The following TGFBI variants were observed in gnomAD, a reference collection of about 807,000 sequenced individuals.
TGFBI encodes transforming growth factor beta induced.
TGFBI carries 50 observed loss-of-function variants against 73.7 expected under a neutral mutation model. The observed-to-expected ratio is 0.68, with a 90% confidence interval of 0.54 to 0.86. The LOEUF (loss-of-function observed/expected upper bound fraction) is 0.86, where lower values mean the gene tolerates loss of function less well. Ranked by LOEUF, TGFBI falls within the 40% of genes least tolerant of loss-of-function variation. The probability of loss-of-function intolerance (pLI) is 0.00; values close to 1 mark genes in which losing one functional copy is unlikely to be tolerated. For synonymous variants in TGFBI, 362 were observed against 360.5 expected (o/e 1.00, Z -0.05); for missense variants, 839 against 877.0 (o/e 0.96, Z 0.55).
intron 1 of TGFBI, among the ~76,000 whole-genome samples, chr5:136,031,004 CTTGA>C (rs1020003492): frequency 6.6e-6 from 1 of 152,190 alleles, no homozygotes; most frequent in African/African-American, 2.4e-5. Context: ...TGCAGATGCT[CTTGA>C]TTATGAGTTC....
intron 12 of TGFBI, 163 bp from the exon 13 acceptor site, chr5:136,058,927 A>C: frequency 7.7e-6 from 6 of 780,934 alleles, no homozygotes; most frequent in South Asian, 2.0e-5. Context: ...ATTGTGGGTC[A>C]CAACGTTGAG....
intron 1 of TGFBI, 21 bp downstream of exon 1, chr5:136,029,210 A>G: frequency 6.9e-7 from 1 of 1,459,422 alleles, no homozygotes; most frequent in Non-Finnish European, 9.0e-7. Context: ...CCGCCTGGCC[A>G]GGGGCTGCGG....
intron 2 of TGFBI, among the ~76,000 whole-genome samples, chr5:136,037,330 C>T (rs1056958993): frequency 6.6e-6 from 1 of 152,156 alleles, no homozygotes; most frequent in African/African-American, 2.4e-5. Context: ...CTGTGGGGAG[C>T]AGACAGTCAG....
At chr5:136,034,217 C>A (rs1751177268) in intron 2 of TGFBI, among the ~76,000 whole-genome samples, 1 of 152,024 alleles carries the variant, frequency 6.6e-6, no homozygotes, top group South Asian at 2.1e-4. Context: ...AAAGAAAGCC[C>A]ATTGGTGAAT....
Position 136,051,071 on chromosome 5 carries a change from A to G in TGFBI, c.913+1491A>G, listed in dbSNP as rs376747693. Among the ~76,000 whole-genome samples the G allele has an allele frequency of 7.4e-4, 113 of 152,320 alleles. No individual in the cohort carries two copies. The Middle Eastern group carries it at 0.01, about 14-fold the overall frequency. ...GACACACATAGCCTTAAGGGGCCCA[A>G]AGGCTTTTAGAACTGTATTCCCTAT... On this transcript the variant is annotated intron_variant, in intron 7 of 16. Coordinates refer to ENST00000442011, the MANE Select transcript of TGFBI (RefSeq NM_000358.3).
intron 5 of TGFBI, 121 bp downstream of exon 5, chr5:136,047,136 C>A: frequency 6.6e-7 from 1 of 1,517,944 alleles, no homozygotes; most frequent in Non-Finnish European, 8.9e-7. Flanking sequence ...GTGCCTGCTT[C>A]TCCTTGGGCC....
At position 136,063,664 on chromosome 5, in the gene TGFBI, TGAAA is replaced by T; in HGVS notation, c.*439_*442del. The T allele has an allele frequency of 6.9e-5, 12 of 174,760 alleles. No homozygotes were observed. The highest frequency in any genetic ancestry group is 3.0e-4 in the South Asian group (2 of 6,592). The allele number at this position is 174,760 out of a possible 1,614,324, so 10.8% of individuals were successfully genotyped here. ...AATGGCATCATTATAAGCTATGAGTTGAAATGTTCTGTCAAATGTGTCTCACATC... is the reference window on the plus strand; with the variant it reads ...AATGGCATCATTATAAGCTATGAGTTTGTTCTGTCAAATGTGTCTCACATC... On this transcript the variant is annotated 3_prime_UTR_variant, in exon 17 of 17. Transcript: ENST00000442011.
rs775351913 is a variant in TGFBI at position 136,046,831 on chromosome 5, C to T, written c.460-20C>T. 5.6e-6 allele frequency: 9 copies of T among 1,608,002 alleles called. No individual in the cohort carries two copies. The highest frequency in any genetic ancestry group is 5.1e-6 in the Non-Finnish European group (6 of 1,176,512). On this transcript the variant is annotated intron_variant, in intron 4 of 16. Transcript: ENST00000442011. The stretch of plus-strand genomic sequence containing the variant: ...CACAGAGTCTGCAGCCCCTAACTGA[C>T]ACCCTGTCCTTCCTCCTAGGAAGTG...
At chr5:136,041,431 G>A (rs1751337614) in intron 2 of TGFBI, among the ~76,000 whole-genome samples, 1 of 152,242 alleles carries the variant, frequency 6.6e-6, no homozygotes. Flanking sequence ...AACAGTGAGT[G>A]CTGACAAGGG....
intron 4 of TGFBI, 70 bp downstream of exon 4, chr5:136,046,565 G>T: frequency 1.3e-6 from 2 of 1,485,104 alleles, no homozygotes; most frequent in South Asian, 1.3e-5. Context: ...GGGTGGGCAT[G>T]ATGAATGGGA....
intron 2 of TGFBI, among the ~76,000 whole-genome samples, chr5:136,042,162 C>T (rs754784064): frequency 5.3e-5 from 8 of 152,192 alleles, no homozygotes; most frequent in Admixed American, 1.3e-4. Context: ...GCCTAGAATC[C>T]CATGCATATC....
rs143831210 is a variant in TGFBI at position 136,061,547 on chromosome 5, G to C, written c.1954G>C (p.Glu652Gln). Residue 652 changes from glutamate to glutamine, a missense_variant, in exon 15 of 17, where the codon GAG (glutamate) becomes CAG (glutamine). Coordinates refer to ENST00000442011, the MANE Select transcript of TGFBI (RefSeq NM_000358.3). ...RGDELADSALEIFKQASAFSR... is the reference protein window; with the variant it reads ...RGDELADSALQIFKQASAFSR... Reference sequence around the variant, plus strand: ...GGATGAACTTGCAGACTCTGCGCTTGAGATCTTCAAACAAGCATCAGCGTT... The same window carrying C: ...GGATGAACTTGCAGACTCTGCGCTTCAGATCTTCAAACAAGCATCAGCGTT... The C allele has an allele frequency of 2.0e-4, 321 of 1,613,058 alleles. No individual in the cohort carries two copies. In the African/African-American group the frequency reaches 3.5e-3, roughly 18 times the overall value.
chr5:136,044,838 A>G (rs1419354123), intron 3 of TGFBI: 1 of 152,254 alleles, frequency 6.6e-6, no homozygotes, highest in Non-Finnish European at 1.5e-5. Flanking sequence ...AGGATGCCAT[A>G]TCCTCAGATG....
At chr5:136,050,769 CCTT>C (rs1751519685) in intron 7 of TGFBI, among the ~76,000 whole-genome samples, 1 of 152,212 alleles carries the variant, frequency 6.6e-6, no homozygotes, top group African/African-American at 2.4e-5. Flanking sequence ...AAAGTGTTCT[CCTT>C]CTATCTGTGC....
chr5:136,061,175 C>T (rs898809376), intron 14 of TGFBI: 18 of 580,054 alleles, frequency 3.1e-5, no homozygotes, highest in Admixed American at 9.2e-5. Flanking sequence ...TAGCTCCCCT[C>T]GGACACAGCC....
chr5:136,051,146 C>T (rs1487387621), intron 7 of TGFBI, among the ~76,000 whole-genome samples: 5 of 152,142 alleles, frequency 3.3e-5, no homozygotes, highest in African/African-American at 1.2e-4. Flanking sequence ...GACCTCAGAA[C>T]TCCTTACTAT....
chr5:136,044,786 A>T (rs1350052825), intron 3 of TGFBI: 1 of 152,200 alleles, frequency 6.6e-6, no homozygotes, highest in Non-Finnish European at 1.5e-5. Flanking sequence ...AAATAGAGTC[A>T]TCTTTTGGTA....
At chr5:136,038,531 A>G (rs1204695507) in intron 2 of TGFBI, among the ~76,000 whole-genome samples, 2 of 151,962 alleles carry the variant, frequency 1.3e-5, no homozygotes, top group Non-Finnish European at 2.9e-5. Context: ...CCTGACCAAC[A>G]TGGTGAAACT....
intron 2 of TGFBI, among the ~76,000 whole-genome samples, chr5:136,042,867 A>G (rs900926371): frequency 2.0e-5 from 3 of 152,054 alleles, no homozygotes; most frequent in Non-Finnish European, 4.4e-5. Flanking sequence ...ACTCCATTTA[A>G]ATGAACAAGA....
Sources: gnomAD v4.1 joint callset for allele counts (sites outside exome capture counted in the v4.1 genomes callset) on GRCh38, gnomAD v4.1.1 for gene constraint, MANE v1.5 for transcripts, NCBI Gene and HGNC (gene_info 2026-07-23, HGNC 2026-07-21) for gene names.